SLC24A3: variants seen among roughly 807,000 people sequenced by gnomAD.
SLC24A3 encodes solute carrier family 24 member 3.
Under a neutral mutation model 75.8 loss-of-function variants are expected in SLC24A3, and 28 were observed. The observed-to-expected ratio is 0.37, with a 90% CI of 0.27 to 0.51. SLC24A3 has a LOEUF of 0.51. Among genes scored for constraint, SLC24A3 ranks in the 20% least tolerant of loss-of-function variants. The pLI, the probability that SLC24A3 is intolerant of heterozygous loss-of-function variation, is 0.94. For missense variants in SLC24A3, 663 were observed against 847.8 expected (o/e 0.78, Z 2.71); for synonymous variants, 372 against 334.1 (o/e 1.11, Z -1.24).
At chr20:19,385,388 AAG>A (rs1286095228) in intron 2 of SLC24A3, among the ~76,000 whole-genome samples, 2 of 152,202 alleles carry the variant, frequency 1.3e-5, no homozygotes, top group Non-Finnish European at 2.9e-5. Flanking sequence ...CCATTTATTG[AAG>A]AGACTGTTCT....
chr20:19,212,754 C>A lies in SLC24A3; in HGVS notation c.-89C>A. 1.1e-6 allele frequency: 1 copy of A among 949,634 alleles called. No homozygotes were observed. The highest frequency in any genetic ancestry group is 1.2e-6 in the Non-Finnish European group (1 of 800,074). 58.8% of individuals were successfully genotyped at this position (949,634 alleles called of 1,614,324 possible). ...AGCGAGGACGCGCGGCTGCTGCGCG[C>A]AGGGCTGCCTCCTGCCGCTGTCCCC... On this transcript the variant is annotated 5_prime_UTR_variant, in exon 1 of 17. Coordinates refer to ENST00000328041, the MANE Select transcript of SLC24A3 (RefSeq NM_020689.4).
chr20:19,444,940 A>T (rs1385001992), intron 2 of SLC24A3, among the ~76,000 whole-genome samples: 1 of 147,172 alleles, frequency 6.8e-6, no homozygotes, highest in African/African-American at 2.5e-5. Context: ...TTGATTTTGG[A>T]TCTCTTTTTT....
intron 12 of SLC24A3, among the ~76,000 whole-genome samples, chr20:19,690,030 C>CAAAAAAAAAAAAAAAAAAA (rs538406361): frequency 1.1e-5 from 1 of 87,828 alleles, no homozygotes; most frequent in Non-Finnish European, 2.1e-5. Context: ...GACTCTGTCT[C>CAAAAAAAAAAAAAAAAAAA]AAAAAAAAAA....
In SLC24A3 at chr20:19,332,303, G is replaced by A. The variant is rs548005749; in HGVS notation, c.271+51216G>A. ...GTGGGCCACCGCTGTGGCCTCTCTG[G>A]GGACACAGCCACCCCCTCAACAGGG... is the stretch of plus-strand genomic sequence containing the variant. On this transcript the variant is annotated intron_variant, in intron 2 of 16. Coordinates refer to ENST00000328041, the MANE Select transcript of SLC24A3 (RefSeq NM_020689.4). Among the ~76,000 whole-genome samples, 7 of 152,182 alleles carry A rather than the reference G, an allele frequency of 4.6e-5. No homozygotes were observed. In the East Asian group the frequency reaches 1.2e-3, roughly 25 times the overall value.
chr20:19,344,714 G>A (rs548423938), intron 2 of SLC24A3, among the ~76,000 whole-genome samples: 46 of 152,268 alleles, frequency 3.0e-4, no homozygotes, highest in African/African-American at 8.7e-4. Context: ...ATTGGTTGAC[G>A]TTTGCTTCTG....
chr20:19,225,445 T>C (rs1981845201), intron 1 of SLC24A3, among the ~76,000 whole-genome samples: 1 of 152,232 alleles, frequency 6.6e-6, no homozygotes, highest in Non-Finnish European at 1.5e-5. Flanking sequence ...TTTCCAAGCA[T>C]TGTGGAATAT....
At chr20:19,344,027 C>T (rs1985334076) in intron 2 of SLC24A3, among the ~76,000 whole-genome samples, 1 of 152,130 alleles carries the variant, frequency 6.6e-6, no homozygotes, top group East Asian at 1.9e-4. Flanking sequence ...GGTTTCTGCA[C>T]CTAGAAAGAA....
intron 15 of SLC24A3, among the ~76,000 whole-genome samples, chr20:19,699,943 C>T (rs941185505): frequency 5.9e-5 from 9 of 152,112 alleles, no homozygotes; most frequent in African/African-American, 2.2e-4. Flanking sequence ...GGGAAATGAT[C>T]GTGACAAATT....
intron 9 of SLC24A3, among the ~76,000 whole-genome samples, chr20:19,678,921 G>A (rs2032572884): frequency 6.6e-6 from 1 of 150,760 alleles, no homozygotes; most frequent in South Asian, 2.1e-4. Flanking sequence ...CGGGGCAAAG[G>A]CGCTCCCCAC....
chr20:19,285,536 T>C (rs73124881), intron 2 of SLC24A3, among the ~76,000 whole-genome samples: 1,930 of 145,506 alleles, frequency 0.013, 27 homozygotes, highest in Non-Finnish European at 0.023. Flanking sequence ...AGACCTAGTT[T>C]TGGTAGAAAT....
chr20:19,451,231 G>A (rs1898810036), intron 2 of SLC24A3, among the ~76,000 whole-genome samples: 1 of 152,182 alleles, frequency 6.6e-6, no homozygotes, highest in African/African-American at 2.4e-5. Flanking sequence ...GCTTGGCTTG[G>A]CAAGAGGAGC....
At chr20:19,445,144 G>A (rs1987358915) in intron 2 of SLC24A3, among the ~76,000 whole-genome samples, 1 of 152,096 alleles carries the variant, frequency 6.6e-6, no homozygotes, top group Non-Finnish European at 1.5e-5. Flanking sequence ...ATCCAGTACA[G>A]CGTTACACAT....
chr20:19,271,311 G>T (rs939189770), intron 1 of SLC24A3, among the ~76,000 whole-genome samples: 11 of 151,536 alleles, frequency 7.3e-5, no homozygotes, highest in Non-Finnish European at 7.4e-5. Context: ...CTGCAAGAAT[G>T]GCCATAATTA....
chr20:19,646,852 CGT>C (rs771991583), intron 6 of SLC24A3, among the ~76,000 whole-genome samples: 7 of 150,956 alleles, frequency 4.6e-5, no homozygotes, highest in Admixed American at 2.6e-4. Context: ...TGTGTGTGTG[CGT>C]GTGTGTGTGT....
At chr20:19,711,228 T>C (rs2032985963) in intron 15 of SLC24A3, among the ~76,000 whole-genome samples, 1 of 142,880 alleles carries the variant, frequency 7.0e-6, no homozygotes, top group African/African-American at 2.6e-5. Flanking sequence ...CACACACACA[T>C]GCAGACACAC....
At chr20:19,386,568 G>T (rs1168827795) in intron 2 of SLC24A3, among the ~76,000 whole-genome samples, 2 of 152,054 alleles carry the variant, frequency 1.3e-5, no homozygotes, top group Non-Finnish European at 2.9e-5. Context: ...AGTGATCTTT[G>T]TTATGTTGAG....
chr20:19,269,076 A>T (rs1475559579), intron 1 of SLC24A3, among the ~76,000 whole-genome samples: 2 of 152,226 alleles, frequency 1.3e-5, no homozygotes, highest in Admixed American at 6.5e-5. Context: ...GCCAGTCCTT[A>T]GTTTAGTCAC....
chr20:19,592,664 C>T (rs906817586), intron 6 of SLC24A3, among the ~76,000 whole-genome samples: 6 of 152,122 alleles, frequency 3.9e-5, no homozygotes, highest in African/African-American at 1.4e-4. Context: ...TTCACATGCT[C>T]CTTCAAAGTG....
chr20:19,483,170 A>G (rs778952221), intron 2 of SLC24A3, among the ~76,000 whole-genome samples: 11 of 152,164 alleles, frequency 7.2e-5, no homozygotes. Flanking sequence ...TCATTGATCA[A>G]ACTGTCCCAC....
Sources: gnomAD v4.1 joint callset for allele counts (sites outside exome capture counted in the v4.1 genomes callset) on GRCh38, gnomAD v4.1.1 for gene constraint, MANE v1.5 for transcripts, NCBI Gene and HGNC (gene_info 2026-07-23, HGNC 2026-07-21) for gene names.